TDRD15: variants seen among roughly 807,000 people sequenced by gnomAD.
TDRD15 encodes tudor domain containing 15, also known as tudor domain-containing protein 15.
For synonymous variants in TDRD15, 503 were observed against 314.5 expected, an observed-to-expected ratio of 1.60 and a Z score of -6.34; for missense variants, 1,416 against 904.7, an observed-to-expected ratio of 1.57 and a Z score of -7.25.
intron 3 of TDRD15, among the ~76,000 whole-genome samples, chr2:21,136,166 A>C (rs1353298933): frequency 6.6e-6 from 1 of 151,982 alleles, no homozygotes; most frequent in Non-Finnish European, 1.5e-5. Flanking sequence ...TTCTTCATGT[A>C]AGGAATTAAT....
chr2:21,133,089 A>G (rs564044548), intron 2 of TDRD15, among the ~76,000 whole-genome samples: 1 of 152,310 alleles, frequency 6.6e-6, no homozygotes, highest in East Asian at 1.9e-4. Context: ...GTTAAAAAAA[A>G]TGAAGCCCTG....
At chr2:21,136,640 C>G (rs1383321708) in intron 3 of TDRD15, among the ~76,000 whole-genome samples, 1 of 152,114 alleles carries the variant, frequency 6.6e-6, no homozygotes, top group East Asian at 1.9e-4. Context: ...TAGCTGTATT[C>G]TGTCACAGTA....
chr2:21,133,288 T>G (rs1325334275), intron 2 of TDRD15, among the ~76,000 whole-genome samples: 1 of 152,174 alleles, frequency 6.6e-6, no homozygotes, highest in Non-Finnish European at 1.5e-5. Flanking sequence ...GGCCAAAGTT[T>G]GAGCAGAATG....
chr2:21,135,258 A>AT (rs2103441039), intron 3 of TDRD15, among the ~76,000 whole-genome samples: 1 of 150,786 alleles, frequency 6.6e-6, no homozygotes, highest in East Asian at 1.9e-4. Context: ...TCTTTGAATT[A>AT]TTTTCATTTG....
intron 1 of TDRD15, among the ~76,000 whole-genome samples, chr2:21,125,073 CTAA>C (rs1234778147): frequency 7.5e-6 from 1 of 132,698 alleles, no homozygotes; most frequent in African/African-American, 2.9e-5. Flanking sequence ...GAGAGAGACC[CTAA>C]TGTCAGGGTG....
At chr2:21,127,223 A>G (rs1665615203) in intron 1 of TDRD15, among the ~76,000 whole-genome samples, 2 of 151,788 alleles carry the variant, frequency 1.3e-5, no homozygotes, top group Non-Finnish European at 2.9e-5. Flanking sequence ...GTTCTAGGCT[A>G]TATGTTTTGT....
intron 2 of TDRD15, among the ~76,000 whole-genome samples, chr2:21,132,220 G>GT (rs1411431359): frequency 6.6e-6 from 1 of 152,068 alleles, no homozygotes; most frequent in Admixed American, 6.6e-5. Context: ...GGAGGTTTTG[G>GT]TGGTGGTGGT....
At chr2:21,132,102 G>A (rs1211048294) in intron 2 of TDRD15, among the ~76,000 whole-genome samples, 1 of 152,146 alleles carries the variant, frequency 6.6e-6, no homozygotes, top group Non-Finnish European at 1.5e-5. Flanking sequence ...CAGCAGTTAA[G>A]CCCAAAGCCC....
intron 2 of TDRD15, among the ~76,000 whole-genome samples, chr2:21,134,254 G>T (rs1665768257): frequency 1.3e-5 from 2 of 151,630 alleles, no homozygotes; most frequent in Admixed American, 6.6e-5. Flanking sequence ...TTTTTATTTA[G>T]ATTTAATTCA....
intron 1 of TDRD15, among the ~76,000 whole-genome samples, chr2:21,124,656 G>A (rs1485664707): frequency 2.1e-5 from 3 of 141,700 alleles, no homozygotes; most frequent in Admixed American, 7.1e-5. Context: ...TAATGCCAGG[G>A]TGTGTGTATG....
In TDRD15 at chr2:21,138,775, G is replaced by A. The variant is rs1665863172; in HGVS notation, c.1308G>A (p.Glu436=). 4.2e-6 allele frequency: 3 copies of A among 715,358 alleles called. No individual in the cohort carries two copies. Among genetic ancestry groups the A allele is most frequent in the Admixed American group, 4.0e-5 (2 of 49,834 alleles). The allele number at this position is 715,358 out of a possible 1,614,324, so 44.3% of individuals were successfully genotyped here. A position where few individuals can be genotyped will look rare whatever the true frequency, so the allele number is the denominator to read the frequency against. Residue 436 remains glutamate, a synonymous_variant, in exon 4 of 4, where the codon GAG becomes GAA. Transcript: ENST00000405799. ...SDSKISNILS[E]TSVSDVNSFA... ...CAAAAATCTCCAATATCTTGAGTGA[G>A]ACAAGTGTGTCTGATGTAAACAGCT...
In TDRD15 at chr2:21,137,781, C is replaced by T. The variant is rs1470550466; in HGVS notation, c.314C>T (p.Pro105Leu). 1 of 716,544 alleles carries T rather than the reference C, an allele frequency of 1.4e-6. No individual in the cohort carries two copies. Among genetic ancestry groups the T allele is most frequent in the Admixed American group, 2.0e-5 (1 of 49,946 alleles). 44.4% of individuals were successfully genotyped at this position (716,544 alleles called of 1,614,324 possible). A position where few individuals can be genotyped will look rare whatever the true frequency, so the allele number is the denominator to read the frequency against. Reference sequence around the variant, plus strand: ...GGAGAAGAACTAAGAGTTGCTGGTCCACAGATTGCTTCAGCCTGTGGCAAT... The same window carrying T: ...GGAGAAGAACTAAGAGTTGCTGGTCTACAGATTGCTTCAGCCTGTGGCAAT... ...DRGEELRVAGPQIASACGNLF... is the reference protein window; with the variant it reads ...DRGEELRVAGLQIASACGNLF... Residue 105 changes from proline (P) to leucine (L), a missense_variant, in exon 4 of 4, where the codon CCA (proline) becomes CTA (leucine). Pro to Leu is a moderately conservative substitution (Grantham distance 98, BLOSUM62 -3). Transcript: ENST00000405799.
In TDRD15 at chr2:21,141,881, T is replaced by G; in HGVS notation, c.4414T>G (p.Cys1472Gly). 5 of 715,454 alleles carry G rather than the reference T, an allele frequency of 7.0e-6. No homozygotes were observed. 44.3% of individuals were successfully genotyped at this position (715,454 alleles called of 1,614,324 possible). The change falls in exon 4 of 4, where the codon TGT (cysteine) becomes GGT (glycine). Residue 1472 changes from cysteine to glycine, a missense_variant. By Grantham distance (159) the Cys-to-Gly change is radical. Transcript: ENST00000405799. ...TAATGAACTACTGAAATGGAAAGCA[T>G]GTTCAAAACTGCAGAAGTCAGCATT... ...VINELLKWKA[C>G]SKLQKSALQM... is the part of the protein sequence containing the mutation.
At position 21,141,215 on chromosome 2, in the gene TDRD15, C is replaced by A. The variant is rs149531460; in HGVS notation, c.3748C>A (p.Arg1250Ser). The part of the protein sequence containing the change: ...PGAAHILENR[R>S]VGQKSVKVVS... ...AGCTGCACATATTCTTGAGAACAGG[C>A]GTGTGGGCCAAAAATCAGTAAAGGT... is the stretch of plus-strand genomic sequence containing the variant. Residue 1250 changes from arginine (R) to serine (S), a missense_variant, in exon 4 of 4, where the codon CGT (arginine) becomes AGT (serine). Physicochemically the swap from Arg to Ser is moderately radical, Grantham distance 110. Transcript: ENST00000405799. 3.9e-5 allele frequency: 28 copies of A among 713,880 alleles called. No homozygotes were observed. The highest frequency in any genetic ancestry group is 3.8e-4 in the East Asian group (14 of 37,240). The allele number at this position is 713,880 out of a possible 1,614,324, so 44.2% of individuals were successfully genotyped here.
chr2:21,139,555 A>G lies in TDRD15; in HGVS notation c.2088A>G (p.Ile696Met), dbSNP rs747722052. The G allele has an allele frequency of 2.5e-5, 18 of 710,598 alleles. No individual in the cohort carries two copies. The South Asian group carries it at 2.7e-4, about 11-fold the overall frequency. The allele number at this position is 710,598 out of a possible 1,614,324, so 44.0% of individuals were successfully genotyped here. The change falls in exon 4 of 4, where the codon ATA (isoleucine) becomes ATG (methionine). Residue 696 changes from isoleucine (I) to methionine (M), a missense_variant. Ile to Met is a conservative substitution (Grantham distance 10, BLOSUM62 1). Transcript: ENST00000405799. Reference sequence around the variant, plus strand: ...ACAAAGTTAATATTAAAAAAGTCATATCTGCCCTTCTTGAAGGACCTAAAT... The same window carrying G: ...ACAAAGTTAATATTAAAAAAGTCATGTCTGCCCTTCTTGAAGGACCTAAAT... ...SKNKVNIKKVISALLEGPKSK... is the reference protein window; with the variant it reads ...SKNKVNIKKVMSALLEGPKSK...
At chr2:21,135,102 TATATA>T (rs1665784228) in intron 3 of TDRD15, among the ~76,000 whole-genome samples, 1 of 146,296 alleles carries the variant, frequency 6.8e-6, no homozygotes, top group African/African-American at 2.5e-5. Context: ...CTAAATTTTA[TATATA>T]ATATAAAATA....
intron 3 of TDRD15, among the ~76,000 whole-genome samples, chr2:21,135,167 A>G (rs1370803712): frequency 1.4e-5 from 2 of 146,456 alleles, no homozygotes; most frequent in East Asian, 1.9e-4. Flanking sequence ...TATATATAAG[A>G]TATAATAAAA....
rs113204973 is a variant in TDRD15 at position 21,143,467 on chromosome 2, G to C, written c.*195G>C. Among the ~76,000 whole-genome samples the C allele has an allele frequency of 1.9e-3, 288 of 151,634 alleles. 1 individual carries two copies. The highest frequency in any genetic ancestry group is 6.6e-3 in the African/African-American group (274 of 41,496). On this transcript the variant is annotated 3_prime_UTR_variant, in exon 4 of 4. Transcript: ENST00000405799. ...AAATTTAACAGTGAGAAAGAAAGTT[G>C]GTAGTGGAAAACATTTCCAGAGTAC...
chr2:21,124,872 T>C (rs1665552938), intron 1 of TDRD15, among the ~76,000 whole-genome samples: 1 of 147,820 alleles, frequency 6.8e-6, no homozygotes, highest in Admixed American at 6.7e-5. Flanking sequence ...AGTGTGTGTG[T>C]ATGTGAGAAA....
Sources: gnomAD v4.1 joint callset for allele counts (sites outside exome capture counted in the v4.1 genomes callset) on GRCh38, gnomAD v4.1.1 for gene constraint, MANE v1.5 for transcripts, NCBI Gene and HGNC (gene_info 2026-07-23, HGNC 2026-07-21) for gene names.